The following PRCC variants were observed in gnomAD, a reference collection of about 807,000 sequenced individuals.
PRCC encodes proline rich mitotic checkpoint control factor, also known as proline-rich protein PRCC.
Under a neutral mutation model 44.0 loss-of-function variants are expected in PRCC, and 10 were observed. That is an observed-to-expected ratio of 0.23 (90% CI 0.14 to 0.39). The LOEUF is 0.39. Among genes scored for constraint, PRCC ranks in the 10% least tolerant of loss-of-function variants. PRCC has a pLI of 1.00. For synonymous variants in PRCC, 278 were observed against 259.5 expected (o/e 1.07, Z -0.69); for missense variants, 573 against 624.7 (o/e 0.92, Z 0.88).
At position 156,768,142 on chromosome 1, in the gene PRCC, C is replaced by G; in HGVS notation, c.371C>G (p.Pro124Arg). 1 of 1,562,844 alleles carries G rather than the reference C, an allele frequency of 6.4e-7. No individual in the cohort carries two copies. The highest frequency in any genetic ancestry group is 8.7e-7 in the Non-Finnish European group (1 of 1,153,590). The change falls in exon 1 of 7, where the codon CCT (proline) becomes CGT (arginine). Residue 124 changes from proline (P) to arginine (R), a missense_variant. By Grantham distance (103) the Pro-to-Arg change is moderately radical. Coordinates refer to ENST00000271526, the MANE Select transcript of PRCC (RefSeq NM_005973.5). ...CGAGGCCCTGGCCTCAATCTGCCCC[C>G]TCCAATTGGCGGTGCCGGTCCCCCG... is the stretch of plus-strand genomic sequence containing the variant. ...SPRGPGLNLP[P>R]PIGGAGPPLG...
chr1:156,771,863 T>A (rs886202440), intron 1 of PRCC, among the ~76,000 whole-genome samples: 5 of 152,128 alleles, frequency 3.3e-5, no homozygotes, highest in African/African-American at 1.2e-4. Flanking sequence ...TATACTGTGG[T>A]ACCTCAGAAG....
chr1:156,798,316 C>CT (rs929794752), intron 6 of PRCC, among the ~76,000 whole-genome samples: 7 of 151,866 alleles, frequency 4.6e-5, no homozygotes, highest in Admixed American at 2.6e-4. Flanking sequence ...CACAAATTTC[C>CT]TTTTTTTTGA....
chr1:156,767,915 G>A lies in PRCC; in HGVS notation c.144G>A (p.Pro48=), dbSNP rs1259574363. Reference sequence around the variant, plus strand: ...CTTCTCTCCCTGCGCCCAAGGGTCCGGCCTTGCTGCCTCCGCCCCCTCAGA... The same window carrying A: ...CTTCTCTCCCTGCGCCCAAGGGTCCAGCCTTGCTGCCTCCGCCCCCTCAGA... The part of the protein sequence containing the change: ...LFASLPAPKG[P]ALLPPPPQML... The change falls in exon 1 of 7, where the codon CCG becomes CCA. Residue 48 remains proline, a synonymous_variant. Coordinates refer to ENST00000271526, the MANE Select transcript of PRCC (RefSeq NM_005973.5). The A allele has an allele frequency of 6.3e-7, 1 of 1,599,418 alleles. No individual in the cohort carries two copies. Among genetic ancestry groups the A allele is most frequent in the Non-Finnish European group, 8.5e-7 (1 of 1,173,674 alleles).
chr1:156,791,082 C>T, intron 3 of PRCC: 1 of 1,409,524 alleles, frequency 7.1e-7, no homozygotes, highest in Non-Finnish European at 9.5e-7. Flanking sequence ...GCAGCAACAT[C>T]TGGGCCACTC....
intron 3 of PRCC, among the ~76,000 whole-genome samples, chr1:156,788,771 C>G (rs1652370947): frequency 6.7e-6 from 1 of 149,922 alleles, no homozygotes; most frequent in Non-Finnish European, 1.5e-5. Context: ...AAGCGATTAT[C>G]CTCCCTCAGC....
intron 6 of PRCC, among the ~76,000 whole-genome samples, chr1:156,798,840 C>CAA (rs890646541): frequency 2.6e-4 from 14 of 53,566 alleles, no homozygotes; most frequent in African/African-American, 4.1e-4. Flanking sequence ...GACTCCATCT[C>CAA]AAAAAAAAAA....
intron 4 of PRCC, among the ~76,000 whole-genome samples, chr1:156,792,626 G>A (rs149728876): frequency 0.033 from 5,068 of 151,936 alleles, 281 homozygotes; most frequent in African/African-American, 0.12. Flanking sequence ...GCTAATTTTT[G>A]TATTTTTAGT....
chr1:156,800,749 C>T lies in PRCC; in HGVS notation c.*289C>T. On this transcript the variant is annotated 3_prime_UTR_variant, in exon 7 of 7. Transcript: ENST00000271526. ...CAGGTGTGATAAAATGTTGAACCCT[C>T]CCCACCACCACTTTTTTTTTTTTAA... 1 of 335,784 alleles carries T rather than the reference C, an allele frequency of 3.0e-6. No individual in the cohort carries two copies. Among genetic ancestry groups the T allele is most frequent in the Middle Eastern group, 8.8e-4 (1 of 1,140 alleles). The allele number at this position is 335,784 out of a possible 1,614,324, so 20.8% of individuals were successfully genotyped here.
intron 3 of PRCC, among the ~76,000 whole-genome samples, chr1:156,788,779 A>G (rs2102767735): frequency 6.8e-6 from 1 of 147,822 alleles, no homozygotes; most frequent in African/African-American, 2.5e-5. Flanking sequence ...ATCCTCCCTC[A>G]GCCTCCCTAG....
chr1:156,781,984 T>C (rs1232708275), intron 1 of PRCC, among the ~76,000 whole-genome samples: 1 of 152,092 alleles, frequency 6.6e-6, no homozygotes. Flanking sequence ...TGGGAGGAAA[T>C]AGTCTTAATT....
intron 4 of PRCC, among the ~76,000 whole-genome samples, chr1:156,794,228 A>T (rs1652584642): frequency 1.3e-5 from 2 of 152,094 alleles, no homozygotes; most frequent in Non-Finnish European, 2.9e-5. Context: ...AAGTGCTGGG[A>T]TTACAGATGT....
chr1:156,771,627 G>A (rs1416571417), intron 1 of PRCC, among the ~76,000 whole-genome samples: 1 of 152,052 alleles, frequency 6.6e-6, no homozygotes, highest in African/African-American at 2.4e-5. Context: ...CAGATTGGGG[G>A]TTAGTTAGAT....
chr1:156,772,791 G>A (rs1651679311), intron 1 of PRCC, among the ~76,000 whole-genome samples: 2 of 152,252 alleles, frequency 1.3e-5, no homozygotes, highest in Admixed American at 6.5e-5. Flanking sequence ...CTAAAGGGAA[G>A]GGAGAGTGTG....
intron 1 of PRCC, among the ~76,000 whole-genome samples, chr1:156,774,951 A>C (rs1045121760): frequency 3.2e-5 from 2 of 63,156 alleles, no homozygotes; most frequent in African/African-American, 7.1e-5. Flanking sequence ...ACTCTGTCTC[A>C]AAAAAAAAAA....
At chr1:156,779,120 ATATATATATTTTTTTTTTT>A (rs1651941111) in intron 1 of PRCC, among the ~76,000 whole-genome samples, 1 of 19,648 alleles carries the variant, frequency 5.1e-5, no homozygotes, top group Non-Finnish European at 8.6e-5. Context: ...ATATATATAT[ATATATATATTTTTTTTTTT>A]TTTTTTTTTT....
chr1:156,774,157 C>CTTTTTTTTTTTTTTTTTTTT lies in PRCC; in HGVS notation c.468+5935_468+5954dup, dbSNP rs76271348. ...GAGTTTCTTTCTTTTTTTGAGTCACCTTTTTTTTTTTTTTTTTTTTTTTTT... is the reference window on the plus strand; with the variant it reads ...GAGTTTCTTTCTTTTTTTGAGTCACCTTTTTTTTTTTTTTTTTTTTTTTTTTTTTTTTTTTTTTTTTTTTT... On this transcript the variant is annotated intron_variant, in intron 1 of 6. Transcript: ENST00000271526. Among the ~76,000 whole-genome samples the CTTTTTTTTTTTTTTTTTTTT allele has an allele frequency of 1.3e-4, 7 of 54,000 alleles. 2 individuals carry two copies. Among genetic ancestry groups the CTTTTTTTTTTTTTTTTTTTT allele is most frequent in the Non-Finnish European group, 2.3e-4 (7 of 31,010 alleles). 35.4% of individuals were successfully genotyped at this position (54,000 alleles called of 152,430 possible).
intron 2 of PRCC, among the ~76,000 whole-genome samples, chr1:156,785,854 C>G (rs1273913473): frequency 2.0e-5 from 3 of 151,266 alleles, no homozygotes; most frequent in African/African-American, 4.9e-5. Context: ...CTCTGTCACC[C>G]AAGCTGGAGT....
chr1:156,771,421 C>G (rs1471597680), intron 1 of PRCC, among the ~76,000 whole-genome samples: 4 of 152,084 alleles, frequency 2.6e-5, no homozygotes, highest in Non-Finnish European at 5.9e-5. Context: ...ATGTGAGAGG[C>G]TGGTGGCCTG....
intron 1 of PRCC, among the ~76,000 whole-genome samples, chr1:156,778,788 G>A (rs780480005): frequency 1.3e-5 from 2 of 149,862 alleles, no homozygotes; most frequent in Non-Finnish European, 3.0e-5. Flanking sequence ...TCACCATATT[G>A]CCCAGGCTGT....
Sources: allele counts gnomAD v4.1 joint callset (sites outside exome capture counted in the v4.1 genomes callset), GRCh38; gene constraint gnomAD v4.1.1; transcripts MANE v1.5; gene names NCBI Gene and HGNC (gene_info 2026-07-23, HGNC 2026-07-21).